The following ZNF112 variants were observed in gnomAD, a reference collection of about 807,000 sequenced individuals.
ZNF112 encodes the protein zinc finger protein 112 (Y14).
A neutral mutation model predicts 77.7 loss-of-function variants in ZNF112; 37 were observed. The ratio of observed to expected loss-of-function variants is 0.48; its 90% CI spans 0.37 to 0.63. The LOEUF (loss-of-function observed/expected upper bound fraction) is 0.63. Among genes scored for constraint, ZNF112 ranks in the 20% least tolerant of loss-of-function variants. The pLI is 0.00. For synonymous variants in ZNF112, 333 were observed against 363.6 expected (o/e 0.92, Z 0.96); for missense variants, 950 against 1,077.4 (o/e 0.88, Z 1.66).
chr19:44,331,633 TTGTC>T (rs1404502710), intron 3 of ZNF112, among the ~76,000 whole-genome samples: 8 of 152,318 alleles, frequency 5.3e-5, no homozygotes, highest in African/African-American at 1.9e-4. Context: ...TTCTTTGTGT[TTGTC>T]TGCCTCTCCA....
At chr19:44,348,058 G>A (rs938254227) in intron 1 of ZNF112, among the ~76,000 whole-genome samples, 4 of 152,138 alleles carry the variant, frequency 2.6e-5, no homozygotes, top group Non-Finnish European at 4.4e-5. Flanking sequence ...AGAAATCCAC[G>A]TATATCTGAA....
chr19:44,337,976 TAAAA>T (rs145125077), intron 2 of ZNF112, among the ~76,000 whole-genome samples: 26 of 104,506 alleles, frequency 2.5e-4, no homozygotes, highest in African/African-American at 6.3e-4. Context: ...ATTCCCCAGT[TAAAA>T]AAAAAAAAAA....
chr19:44,340,898 C>A (rs1293786798), intron 1 of ZNF112, among the ~76,000 whole-genome samples: 1 of 152,190 alleles, frequency 6.6e-6, no homozygotes, highest in African/African-American at 2.4e-5. Flanking sequence ...ACACACACAT[C>A]ACTTATTTAA....
intron 1 of ZNF112, chr19:44,341,016 A>C (rs1970479546): frequency 2.5e-6 from 1 of 395,494 alleles, no homozygotes; most frequent in Admixed American, 3.2e-5. Flanking sequence ...CTGGAGCCTG[A>C]CTGCCTGTGT....
intron 3 of ZNF112, among the ~76,000 whole-genome samples, chr19:44,332,189 T>C (rs1439398556): frequency 6.6e-6 from 1 of 152,144 alleles, no homozygotes; most frequent in Non-Finnish European, 1.5e-5. Context: ...GGCAAGACTC[T>C]GTCTCAAAAA....
chr19:44,341,669 C>T (rs1970492923), intron 1 of ZNF112, among the ~76,000 whole-genome samples: 1 of 152,156 alleles, frequency 6.6e-6, no homozygotes, highest in Non-Finnish European at 1.5e-5. Flanking sequence ...CACACATTTG[C>T]TGTTCATCTC....
upstream of ZNF112, among the ~76,000 whole-genome samples, chr19:44,360,100 C>A (rs1460404236): frequency 7.4e-5 from 11 of 149,038 alleles, no homozygotes; most frequent in South Asian, 2.1e-4. Context: ...ACTAAAAATA[C>A]AAAAAAAAAG....
chr19:44,340,926 G>T (rs1426359770), intron 1 of ZNF112, among the ~76,000 whole-genome samples: 3 of 152,090 alleles, frequency 2.0e-5, no homozygotes, highest in Admixed American at 6.5e-5. Flanking sequence ...AATTTACAGG[G>T]TATCAGTCAT....
intron 3 of ZNF112, among the ~76,000 whole-genome samples, chr19:44,333,488 G>A (rs1373197552): frequency 1.3e-5 from 2 of 152,152 alleles, no homozygotes; most frequent in African/African-American, 4.8e-5. Flanking sequence ...ATGTTGAATT[G>A]TAATTCCCAG....
chr19:44,336,555 T>A, intron 3 of ZNF112, 68 bp downstream of exon 3: 1 of 1,303,324 alleles, frequency 7.7e-7, no homozygotes, highest in Non-Finnish European at 1.1e-6. Flanking sequence ...AACAGAGAAG[T>A]GATGTGTTCT....
At chr19:44,344,938 A>G (rs1394128979) in intron 1 of ZNF112, among the ~76,000 whole-genome samples, 1 of 152,192 alleles carries the variant, frequency 6.6e-6, no homozygotes, top group Admixed American at 6.5e-5. Context: ...AAGTTGGGAC[A>G]ATTTGTAACT....
At chr19:44,365,223 G>A (rs1252186981) in intron 1 of ZNF112, among the ~76,000 whole-genome samples, 1 of 152,104 alleles carries the variant, frequency 6.6e-6, no homozygotes, top group South Asian at 2.1e-4. Flanking sequence ...GGAGGCCAAG[G>A]TGGGTAGAGC....
At chr19:44,335,564 T>C (rs993722653) in intron 3 of ZNF112, among the ~76,000 whole-genome samples, 1 of 152,214 alleles carries the variant, frequency 6.6e-6, no homozygotes, top group Non-Finnish European at 1.5e-5. Context: ...TGGCACAGCA[T>C]GGCCTCGGCC....
At chr19:44,331,677 C>T (rs757589436) in intron 3 of ZNF112, among the ~76,000 whole-genome samples, 1 of 152,198 alleles carries the variant, frequency 6.6e-6, no homozygotes, top group Non-Finnish European at 1.5e-5. Flanking sequence ...TGAAAACAAA[C>T]ACTGTTTTGT....
chr19:44,361,584 T>C (rs1055097566), upstream of ZNF112, among the ~76,000 whole-genome samples: 4 of 152,224 alleles, frequency 2.6e-5, no homozygotes, highest in African/African-American at 9.6e-5. Context: ...TATGATAATC[T>C]GGAAAAGGCA....
In ZNF112 at chr19:44,338,033, A is replaced by G. The variant is rs563062202; in HGVS notation, c.125-1315T>C. On this transcript the variant is annotated intron_variant, in intron 2 of 3. Transcript: ENST00000354340. ...GAGCCAAGGCAAAGTAAAGATGAGCACAAAATACTGTTCTCTGCCAACAAA... is the reference window on the plus strand; with the variant it reads ...GAGCCAAGGCAAAGTAAAGATGAGCGCAAAATACTGTTCTCTGCCAACAAA... 2.0e-5 allele frequency among the ~76,000 whole-genome samples: 3 copies of G among 151,928 alleles called. No individual in the cohort carries two copies. The South Asian group carries it at 6.3e-4, about 32-fold the overall frequency.
intron 1 of ZNF112, among the ~76,000 whole-genome samples, chr19:44,351,885 A>G (rs1269680320): frequency 2.0e-5 from 3 of 152,132 alleles, no homozygotes; most frequent in East Asian, 3.8e-4. Context: ...ATTAACATTA[A>G]TGAATTCAAA....
In ZNF112 at chr19:44,328,038, T is replaced by C; in HGVS notation, c.2119A>G (p.Ser707Gly). Residue 707 changes from serine to glycine, a missense_variant, in exon 4 of 4, where the codon AGT (serine) becomes GGT (glycine). This residue lies in a region of ZNF112 where 373 missense variants were observed against 482.8 expected (regional missense o/e 0.77). Transcript: ENST00000354340. Reference protein sequence around the residue: ...SQRSYLQSHQSVHSGERPYIC... With the variant: ...SQRSYLQSHQGVHSGERPYIC... Reference sequence around the variant, plus strand: ...TATGGTCTTTCTCCAGAATGGACACTCTGATGACTCTGAAGGTATGATCTC... The same window carrying C: ...TATGGTCTTTCTCCAGAATGGACACCCTGATGACTCTGAAGGTATGATCTC... 1 of 1,614,018 alleles carries C rather than the reference T, an allele frequency of 6.2e-7. No individual in the cohort carries two copies. Among genetic ancestry groups the C allele is most frequent in the Non-Finnish European group, 8.5e-7 (1 of 1,179,976 alleles).
At chr19:44,333,843 T>C (rs1191080098) in intron 3 of ZNF112, among the ~76,000 whole-genome samples, 2 of 151,920 alleles carry the variant, frequency 1.3e-5, no homozygotes, top group Non-Finnish European at 2.9e-5. Flanking sequence ...ATAAAGAAAA[T>C]TGGTACCAGA....
Sources: gnomAD v4.1 joint callset for allele counts (sites outside exome capture counted in the v4.1 genomes callset) on GRCh38, gnomAD v4.1.1 for gene constraint, gnomAD v4.1.1 regional missense constraint, MANE v1.5 for transcripts, NCBI Gene and HGNC (gene_info 2026-07-23, HGNC 2026-07-21) for gene names.